Variants in CPNE4 observed in about 807,000 individuals in gnomAD.
The protein encoded by CPNE4 is copine 4.
Under a neutral mutation model 67.9 loss-of-function variants are expected in CPNE4, and 25 were observed. The observed-to-expected ratio is 0.37, with a 90% CI of 0.27 to 0.51. CPNE4 has a LOEUF of 0.51. Among genes scored for constraint, CPNE4 ranks in the 20% least tolerant of loss-of-function variants. The probability of loss-of-function intolerance (pLI) is 0.93; values close to 1 mark genes in which losing one functional copy is unlikely to be tolerated. For synonymous variants in CPNE4, 242 were observed against 244.9 expected, an observed-to-expected ratio of 0.99 and a Z score of 0.11; for missense variants, 464 against 690.8, an observed-to-expected ratio of 0.67 and a Z score of 3.68.
intron 12 of CPNE4, among the ~76,000 whole-genome samples, chr3:131,555,121 G>C: frequency 6.6e-6 from 1 of 152,020 alleles, no homozygotes; most frequent in East Asian, 1.9e-4. Context: ...AGACTCCATT[G>C]TCACGGACTT....
chr3:131,902,334 G>A (rs909563327), intron 2 of CPNE4, among the ~76,000 whole-genome samples: 1 of 152,040 alleles, frequency 6.6e-6, no homozygotes, highest in Non-Finnish European at 1.5e-5. Context: ...TTAATAGGAC[G>A]CTTTGGAAAA....
intron 1 of CPNE4, among the ~76,000 whole-genome samples, chr3:132,031,870 G>A (rs1382684861): frequency 1.3e-5 from 2 of 151,900 alleles, no homozygotes; most frequent in Admixed American, 6.6e-5. Flanking sequence ...TCATAATAAT[G>A]GGCTTGAATA....
chr3:131,568,099 A>G (rs568887513), intron 10 of CPNE4, among the ~76,000 whole-genome samples: 5 of 152,144 alleles, frequency 3.3e-5, no homozygotes, highest in African/African-American at 1.2e-4. Flanking sequence ...TTCTTACCAT[A>G]TAGCCCATTT....
At chr3:131,959,471 C>T (rs2072101714) in intron 1 of CPNE4, among the ~76,000 whole-genome samples, 1 of 151,998 alleles carries the variant, frequency 6.6e-6, no homozygotes, top group Non-Finnish European at 1.5e-5. Context: ...TATCACTCAC[C>T]CAGGCCAATA....
intron 2 of CPNE4, among the ~76,000 whole-genome samples, chr3:131,840,813 C>T (rs927248297): frequency 1.3e-5 from 2 of 152,154 alleles, no homozygotes; most frequent in Non-Finnish European, 2.9e-5. Flanking sequence ...TCAGGGGAGT[C>T]TCAGGTGTGA....
chr3:131,666,810 A>AG (rs1553749702), intron 7 of CPNE4, among the ~76,000 whole-genome samples: 1 of 151,874 alleles, frequency 6.6e-6, no homozygotes, highest in Non-Finnish European at 1.5e-5. Flanking sequence ...GGGAAAAAAA[A>AG]GGGGAGCGAG....
intron 1 of CPNE4, among the ~76,000 whole-genome samples, chr3:132,026,081 T>C (rs2074109559): frequency 6.6e-6 from 1 of 152,210 alleles, no homozygotes; most frequent in Non-Finnish European, 1.5e-5. Context: ...GATGATATGA[T>C]AAAGTCAATA....
chr3:131,545,723 C>A (rs561016270), intron 14 of CPNE4, among the ~76,000 whole-genome samples: 26 of 152,294 alleles, frequency 1.7e-4, no homozygotes, highest in African/African-American at 6.0e-4. Context: ...AACTGCATTT[C>A]AATATAATTG....
intron 1 of CPNE4, among the ~76,000 whole-genome samples, chr3:131,909,592 TA>T (rs199881517): frequency 2.6e-5 from 4 of 151,404 alleles, no homozygotes; most frequent in Admixed American, 6.6e-5. Context: ...TTATTGAATG[TA>T]AAAAAAAATA....
chr3:131,832,766 A>G (rs73203822), intron 2 of CPNE4, among the ~76,000 whole-genome samples: 11,342 of 152,226 alleles, frequency 0.075, 570 homozygotes, highest in East Asian at 0.17. Context: ...TGACATTTAA[A>G]TGAGACTTTA....
intron 2 of CPNE4, among the ~76,000 whole-genome samples, chr3:131,812,654 T>C (rs142830270): frequency 2.0e-5 from 3 of 152,310 alleles, no homozygotes; most frequent in Admixed American, 6.5e-5. Flanking sequence ...ATAACACATA[T>C]TGAGCATTTA....
intron 2 of CPNE4, among the ~76,000 whole-genome samples, chr3:131,842,859 T>C (rs1332394515): frequency 4.6e-5 from 7 of 151,708 alleles, no homozygotes; most frequent in Non-Finnish European, 5.9e-5. Flanking sequence ...ACCAGACATA[T>C]AACTGAAAAG....
chr3:131,861,317 A>G (rs73203877), intron 2 of CPNE4, among the ~76,000 whole-genome samples: 11,650 of 152,228 alleles, frequency 0.077, 586 homozygotes, highest in East Asian at 0.17. Context: ...CCTGATTCAA[A>G]GATTAAGGAT....
At chr3:131,576,078 T>C (rs1427450211) in intron 9 of CPNE4, among the ~76,000 whole-genome samples, 3 of 152,206 alleles carry the variant, frequency 2.0e-5, no homozygotes, top group Admixed American at 6.5e-5. Flanking sequence ...TGGATCCTTC[T>C]ACCTGGACAG....
intron 2 of CPNE4, among the ~76,000 whole-genome samples, chr3:131,839,954 G>A (rs188903856): frequency 5.0e-4 from 76 of 152,220 alleles, no homozygotes; most frequent in Middle Eastern, 3.4e-3. Context: ...GGCCCTATAC[G>A]AGGCAATGTC....
chr3:131,980,338 T>C (rs1050510549), intron 1 of CPNE4, among the ~76,000 whole-genome samples: 12 of 152,198 alleles, frequency 7.9e-5, no homozygotes, highest in African/African-American at 2.9e-4. Context: ...CAATTATTCT[T>C]AGGTTTGATT....
chr3:131,690,371 C>T (rs377659483), intron 5 of CPNE4, among the ~76,000 whole-genome samples: 1 of 152,078 alleles, frequency 6.6e-6, no homozygotes, highest in East Asian at 1.9e-4. Flanking sequence ...GATAGAGAAT[C>T]CAGAAATAAA....
At chr3:131,935,245 T>C (rs1241849957) in intron 1 of CPNE4, among the ~76,000 whole-genome samples, 1 of 152,048 alleles carries the variant, frequency 6.6e-6, no homozygotes, top group Non-Finnish European at 1.5e-5. Flanking sequence ...GGATTGAGAG[T>C]ACTTGCAAGA....
chr3:131,799,274 T>G (rs1424127362), intron 2 of CPNE4, among the ~76,000 whole-genome samples: 2 of 152,130 alleles, frequency 1.3e-5, no homozygotes, highest in Non-Finnish European at 2.9e-5. Flanking sequence ...GCAGCATCAT[T>G]AAGACCAAGG....
Sources: allele counts gnomAD v4.1 joint callset (sites outside exome capture counted in the v4.1 genomes callset), GRCh38; gene constraint gnomAD v4.1.1; transcripts MANE v1.5; gene names NCBI Gene and HGNC (gene_info 2026-07-23, HGNC 2026-07-21).